Variants in XAGE3 observed in about 807,000 individuals in gnomAD.
XAGE3 encodes X antigen family member 3.
In XAGE3, 6 loss-of-function variants were observed where a neutral mutation model predicts 9.2. The observed-to-expected ratio is 0.65, with a 90% confidence interval of 0.36 to 1.29. The LOEUF (loss-of-function observed/expected upper bound fraction) is 1.29, where lower values mean the gene tolerates loss of function less well. Among genes scored for constraint, XAGE3 ranks in the 50% most tolerant of loss-of-function variants. The probability of loss-of-function intolerance (pLI) is 0.03; values close to 1 mark genes in which losing one functional copy is unlikely to be tolerated. For synonymous variants in XAGE3, 26 were observed against 28.2 expected, an observed-to-expected ratio of 0.92 and a Z score of 0.25; for missense variants, 70 against 82.8, an observed-to-expected ratio of 0.85 and a Z score of 0.60.
chrX:52,867,444 A>C, intron 1 of XAGE3: 1 of 234,681 alleles, frequency 4.3e-6, no homozygotes, highest in Non-Finnish European at 7.6e-6. Context: ...GAGAATTAAA[A>C]CTGCAGTGAC....
chrX:52,867,043 A>C lies in XAGE3; in HGVS notation c.81+10T>G. 1.7e-6 allele frequency: 2 copies of C among 1,208,102 alleles called. No individual in the cohort carries two copies. The highest frequency in any genetic ancestry group is 2.2e-6 in the Non-Finnish European group (2 of 891,727). Reference sequence around the variant, plus strand: ...TGCTAATAGAAAACATCAAAGGTTAAGGCACTCACCAGCATAGGCCCAATC... The same window carrying C: ...TGCTAATAGAAAACATCAAAGGTTACGGCACTCACCAGCATAGGCCCAATC... On this transcript the variant is annotated intron_variant, in intron 2 of 4. Coordinates refer to ENST00000346279, the MANE Select transcript of XAGE3 (RefSeq NM_133179.3).
chrX:52,865,482 C>T (rs1927864016), intron 3 of XAGE3, among the ~76,000 whole-genome samples: 1 of 111,282 alleles, frequency 9.0e-6, no homozygotes, highest in Non-Finnish European at 1.9e-5. Flanking sequence ...TTCTGGAAAC[C>T]CCTTAACAGT....
At chrX:52,865,425 A>G (rs2146548289) in intron 3 of XAGE3, among the ~76,000 whole-genome samples, 1 of 111,460 alleles carries the variant, frequency 9.0e-6, no homozygotes, top group Non-Finnish European at 1.9e-5. Context: ...ACAAGAGTAC[A>G]GAAACTTGAG....
intron 3 of XAGE3, 22 bp from the exon 4 acceptor site, chrX:52,864,922 G>A (rs370460907): frequency 3.1e-5 from 37 of 1,204,667 alleles, no homozygotes; most frequent in African/African-American, 7.0e-5. Flanking sequence ...AAAGGTTGTC[G>A]ATTGAAGCAG....
In XAGE3 at chrX:52,862,556, G is replaced by A. The variant is rs1280034185; in HGVS notation, c.*62C>T. ...GGAGAAAGCTGCAAAAGTTTATTTCGATATTTTTAAGTCAAATATCTTAGA... is the reference window on the plus strand; with the variant it reads ...GGAGAAAGCTGCAAAAGTTTATTTCAATATTTTTAAGTCAAATATCTTAGA... On this transcript the variant is annotated 3_prime_UTR_variant, in exon 5 of 5. Transcript: ENST00000346279. 1.9e-5 allele frequency: 22 copies of A among 1,182,250 alleles called. No homozygotes were observed. The East Asian group carries it at 6.5e-4, about 35-fold the overall frequency.
chrX:52,863,800 T>C (rs1366071094), intron 4 of XAGE3, among the ~76,000 whole-genome samples: 1 of 111,997 alleles, frequency 8.9e-6, no homozygotes, highest in Non-Finnish European at 1.9e-5. Context: ...ACTTTTGGAT[T>C]ACATTTCCTT....
chrX:52,865,893 G>A (rs1207950115), intron 3 of XAGE3, among the ~76,000 whole-genome samples: 5 of 111,801 alleles, frequency 4.5e-5, no homozygotes, highest in African/African-American at 1.6e-4. Context: ...GTGAATGGTA[G>A]GGAGAACACA....
At chrX:52,866,266 T>C (rs782328787) in intron 3 of XAGE3, among the ~76,000 whole-genome samples, 167 bp downstream of exon 3, 1 of 112,366 alleles carries the variant, frequency 8.9e-6, no homozygotes, top group Non-Finnish European at 1.9e-5. Context: ...ATTATATCCA[T>C]GAAGCTGCAA....
rs1333660665 is a variant in XAGE3, at chrX:52,865,437, GA to G, written c.188-538del. On this transcript the variant is annotated intron_variant, in intron 3 of 4. Coordinates refer to ENST00000346279, the MANE Select transcript of XAGE3 (RefSeq NM_133179.3). ...TCCACAAGAGTACAGAAACTTGAGT[GA>G]AAAAAAAATTAATGGGCATTGTTGA... Among the ~76,000 whole-genome samples the G allele has an allele frequency of 7.3e-5, 8 of 109,280 alleles. No homozygotes were observed. The East Asian group carries it at 1.1e-3, about 16-fold the overall frequency. 94.9% of individuals were successfully genotyped at this position (109,280 alleles called of 115,157 possible). A position where few individuals can be genotyped will look rare whatever the true frequency, so the allele number is the denominator to read the frequency against.
intron 1 of XAGE3, 84 bp from the exon 2 acceptor site, chrX:52,867,225 T>C: frequency 1.2e-6 from 1 of 854,082 alleles, no homozygotes; most frequent in Non-Finnish European, 1.7e-6. Context: ...TATTAACTTG[T>C]CATTTTTTAA....
rs1169680415 is a variant in XAGE3 at position 52,864,319 on chromosome X, A to G, written c.313+456T>C. 1.1e-4 allele frequency among the ~76,000 whole-genome samples: 12 copies of G among 112,490 alleles called. No individual in the cohort carries two copies. In the Admixed American group the frequency reaches 1.1e-3, roughly 11 times the overall value. ...AGGATACAGAAATCAATTTTGAAAC[A>G]GATGTTAATACATCTGATATGCATT... On this transcript the variant is annotated intron_variant, in intron 4 of 4. Coordinates refer to ENST00000346279, the MANE Select transcript of XAGE3 (RefSeq NM_133179.3).
In XAGE3 at chrX:52,862,655, TA is replaced by T. The variant is rs782287316; in HGVS notation, c.314-16del. 316 of 1,209,636 alleles carry T rather than the reference TA, an allele frequency of 2.6e-4. No homozygotes were observed. In the African/African-American group the frequency reaches 5.3e-3, roughly 20 times the overall value. ...TTGCCTGTCACCTATAATAGAAATA[TA>T]ACAGGAGGGAACATTAGTAGCAGAA... On this transcript the variant is annotated splice_polypyrimidine_tract_variant and intron_variant, in intron 4 of 4. Transcript: ENST00000346279.
rs1556784469 is a variant in XAGE3 at position 52,866,545 on chromosome X, C to A, written c.82-7G>T. On this transcript the variant is annotated splice_polypyrimidine_tract_variant and splice_region_variant and intron_variant, in intron 2 of 4. Transcript: ENST00000346279. The stretch of plus-strand genomic sequence containing the variant: ...GCTCCTCATCACCGGGCTCCTGGAA[C>A]CAGGGGTGTGTGTGTGTGTGTGTGT... 1.7e-6 allele frequency: 2 copies of A among 1,202,013 alleles called. No individual in the cohort carries two copies. Among genetic ancestry groups the A allele is most frequent in the Non-Finnish European group, 2.2e-6 (2 of 889,602 alleles).
At position 52,866,982 on chromosome X, in the gene XAGE3, G is replaced by A. The variant is rs1288372022; in HGVS notation, c.81+71C>T. ...GGTTCAACAACAATTACAAAACATAGTTTTGCAACAACAACAAGTTACAAA... is the reference window on the plus strand; with the variant it reads ...GGTTCAACAACAATTACAAAACATAATTTTGCAACAACAACAAGTTACAAA... On this transcript the variant is annotated intron_variant, in intron 2 of 4. Coordinates refer to ENST00000346279, the MANE Select transcript of XAGE3 (RefSeq NM_133179.3). 2.1e-5 allele frequency: 22 copies of A among 1,053,252 alleles called. No homozygotes were observed. In the African/African-American group the frequency reaches 3.9e-4, roughly 19 times the overall value. The allele number at this position is 1,053,252 out of a possible 1,213,427, so 86.8% of individuals were successfully genotyped here.
At chrX:52,865,754 G>A (rs1407503165) in intron 3 of XAGE3, among the ~76,000 whole-genome samples, 6 of 111,023 alleles carry the variant, frequency 5.4e-5, no homozygotes, top group Non-Finnish European at 9.5e-5. Context: ...GTCATTCATT[G>A]AGCTCTTTTC....
chrX:52,862,783 C>T, intron 4 of XAGE3, 143 bp from the exon 5 acceptor site: 1 of 729,744 alleles, frequency 1.4e-6, no homozygotes, highest in Non-Finnish European at 2.0e-6. Context: ...GGCTAACATT[C>T]AGTTAGACCT....
intron 3 of XAGE3, 51 bp from the exon 4 acceptor site, chrX:52,864,951 GA>G (rs1556784259): frequency 8.4e-7 from 1 of 1,189,364 alleles, no homozygotes; most frequent in South Asian, 1.8e-5. Context: ...GAAAGATAAA[GA>G]AGGAAATGAT....
chrX:52,864,096 T>C (rs1328606832), intron 4 of XAGE3, among the ~76,000 whole-genome samples: 1 of 112,190 alleles, frequency 8.9e-6, no homozygotes, highest in Non-Finnish European at 1.9e-5. Flanking sequence ...AAATATGGAA[T>C]GCTTCCTATA....
intron 4 of XAGE3, among the ~76,000 whole-genome samples, chrX:52,864,289 A>G (rs1411227555): frequency 8.9e-6 from 1 of 112,574 alleles, no homozygotes; most frequent in Admixed American, 9.4e-5. Flanking sequence ...ATCCAACAGA[A>G]CATGAGGATA....
Sources: allele counts gnomAD v4.1 joint callset (sites outside exome capture counted in the v4.1 genomes callset), GRCh38; gene constraint gnomAD v4.1.1; transcripts MANE v1.5; gene names NCBI Gene and HGNC (gene_info 2026-07-23, HGNC 2026-07-21).